The following ARPP21 variants were observed in gnomAD, a reference collection of about 807,000 sequenced individuals.
ARPP21 encodes cAMP-regulated phosphoprotein 21.
A neutral mutation model predicts 113.2 loss-of-function variants in ARPP21; 69 were observed. The observed-to-expected ratio is 0.61, with a 90% CI of 0.50 to 0.74. The LOEUF (loss-of-function observed/expected upper bound fraction) is 0.74. Among genes scored for constraint, ARPP21 ranks in the 30% least tolerant of loss-of-function variants. ARPP21 has a pLI of 0.00. For synonymous variants in ARPP21, 368 were observed against 375.5 expected (o/e 0.98, Z 0.23); for missense variants, 1,070 against 1,037.4 (o/e 1.03, Z -0.43).
rs2151945433 is a variant in ARPP21, at chr3:35,794,371, G to T, written c.*413G>T. 1 of 192,514 alleles carries T rather than the reference G, an allele frequency of 5.2e-6. No individual in the cohort carries two copies. Among genetic ancestry groups the T allele is most frequent in the East Asian group, 1.2e-4 (1 of 8,010 alleles). 11.9% of individuals were successfully genotyped at this position (192,514 alleles called of 1,614,324 possible). A position where few individuals can be genotyped will look rare whatever the true frequency, so the allele number is the denominator to read the frequency against. On this transcript the variant is annotated 3_prime_UTR_variant, in exon 21 of 21. Coordinates refer to ENST00000684406, the MANE Select transcript of ARPP21 (RefSeq NM_001385562.1). ...GCAAAGAAGAATTGATGAATTGAAG[G>T]AATAATTTATATACATTATAGAGTT...
chr3:35,767,293 G>T (rs12490073), intron 19 of ARPP21, among the ~76,000 whole-genome samples: 1 of 152,072 alleles, frequency 6.6e-6, no homozygotes, highest in Admixed American at 6.6e-5. Context: ...AAATCCTTTA[G>T]ACTTCTGAGG....
At chr3:35,768,922 A>G (rs894356150) in intron 19 of ARPP21, among the ~76,000 whole-genome samples, 1 of 152,198 alleles carries the variant, frequency 6.6e-6, no homozygotes, top group Non-Finnish European at 1.5e-5. Flanking sequence ...TGTTACAGAT[A>G]TTAGAAAAGG....
chr3:35,732,427 C>T (rs1289681512), intron 15 of ARPP21, among the ~76,000 whole-genome samples: 1 of 152,188 alleles, frequency 6.6e-6, no homozygotes, highest in Non-Finnish European at 1.5e-5. Context: ...TCTTTCTTTG[C>T]TTTTCAGGCA....
chr3:35,721,751 C>T lies in ARPP21; in HGVS notation c.1142C>T (p.Thr381Met), dbSNP rs781625938. ...AATCTAAAGCCCGCCATGACCAAGA[C>T]GGCGAGTTTTGGGGGCATCACGGTG... ...NRNLKPAMTKTASFGGITVLT... is the reference protein window; with the variant it reads ...NRNLKPAMTKMASFGGITVLT... Residue 381 changes from threonine (T) to methionine (M), a missense_variant, in exon 14 of 21, where the codon ACG becomes ATG. By Grantham distance (81) the Thr-to-Met change is moderately conservative. Coordinates refer to ENST00000684406, the MANE Select transcript of ARPP21 (RefSeq NM_001385562.1). 4.1e-5 allele frequency: 66 copies of T among 1,613,684 alleles called. No homozygotes were observed. Among genetic ancestry groups the T allele is most frequent in the East Asian group, 6.7e-5 (3 of 44,876 alleles).
chr3:35,785,095 G>A (rs1420756964), intron 19 of ARPP21: 4 of 152,112 alleles, frequency 2.6e-5, no homozygotes, highest in African/African-American at 4.8e-5. Context: ...ACAGTTATTA[G>A]AGCCACCTCC....
At chr3:35,762,096 CCTCTCTCTCTCTCT>C (rs373149403) in intron 19 of ARPP21, among the ~76,000 whole-genome samples, 1 of 136,078 alleles carries the variant, frequency 7.3e-6, no homozygotes, top group Admixed American at 7.2e-5. Context: ...CTCTCTCTCT[CCTCTCTCTCTCTCT>C]CTCTCTCTCT....
At chr3:35,748,151 G>A (rs890885845) in intron 19 of ARPP21, among the ~76,000 whole-genome samples, 9 of 131,654 alleles carry the variant, frequency 6.8e-5, no homozygotes, top group African/African-American at 2.6e-4. Flanking sequence ...AGAAAGGAGA[G>A]AGAGAAAGAA....
chr3:35,768,111 TGTGTGTGTGTGTGTGTGTGTG>T (rs1277945736), intron 19 of ARPP21, among the ~76,000 whole-genome samples: 3 of 149,678 alleles, frequency 2.0e-5, no homozygotes, highest in Non-Finnish European at 4.5e-5. Flanking sequence ...TGTGTGTGTG[TGTGTGTGTGTGTGTGTGTGTG>T]TGTGTGTTTG....
chr3:35,767,832 G>T (rs2096039845), intron 19 of ARPP21, among the ~76,000 whole-genome samples: 1 of 151,892 alleles, frequency 6.6e-6, no homozygotes, highest in South Asian at 2.1e-4. Flanking sequence ...GTGTTTCTAG[G>T]TGGTGGTACC....
chr3:35,766,122 C>T (rs994907439), intron 19 of ARPP21, among the ~76,000 whole-genome samples: 7 of 152,068 alleles, frequency 4.6e-5, no homozygotes, highest in African/African-American at 9.7e-5. Context: ...TGATCTTCCA[C>T]GGAAATTTAA....
intron 1 of ARPP21, among the ~76,000 whole-genome samples, chr3:35,647,353 A>G (rs1006255565): frequency 3.3e-5 from 5 of 152,106 alleles, no homozygotes; most frequent in Admixed American, 6.6e-5. Context: ...TGTCTGATAT[A>G]ATGTGGGAAG....
intron 9 of ARPP21, among the ~76,000 whole-genome samples, chr3:35,692,585 T>A (rs1244007256): frequency 1.3e-5 from 2 of 151,654 alleles, no homozygotes; most frequent in East Asian, 3.9e-4. Flanking sequence ...GGACAGTAGA[T>A]TTATTTTTAA....
rs764657901 is a variant in ARPP21 at position 35,793,823 on chromosome 3, C to G, written c.2409C>G (p.Val803=). The change falls in exon 21 of 21, where the codon GTC becomes GTG. Residue 803 remains valine (V), a synonymous_variant. Transcript: ENST00000684406. ...PATGMPVYCN[V]TPPTPQNNLR... ...CTGGAATGCCTGTTTACTGTAATGT[C>G]ACACCGCCCACCCCTCAGAACAACC... The G allele has an allele frequency of 2.2e-5, 35 of 1,614,056 alleles. No individual in the cohort carries two copies. The South Asian group carries it at 3.4e-4, about 16-fold the overall frequency.
intron 1 of ARPP21, among the ~76,000 whole-genome samples, chr3:35,671,000 C>T (rs1367192984): frequency 6.6e-6 from 1 of 152,128 alleles, no homozygotes; most frequent in Non-Finnish European, 1.5e-5. Context: ...AAATCCTTGA[C>T]AGCTTAGAAA....
chr3:35,726,593 T>TC lies in ARPP21; in HGVS notation c.1226-2707dup, dbSNP rs543380558. ...TCTCCTATTGATGCTGCTTTTTTTT[T>TC]CCCTCAGGTAAGGGAAGGGTATAAT... On this transcript the variant is annotated intron_variant, in intron 14 of 20. Coordinates refer to ENST00000684406, the MANE Select transcript of ARPP21 (RefSeq NM_001385562.1). 3.6e-3 allele frequency among the ~76,000 whole-genome samples: 555 copies of TC among 152,360 alleles called. 3 individuals carry two copies. Among genetic ancestry groups the TC allele is most frequent in the African/African-American group, 0.012 (515 of 41,576 alleles).
chr3:35,684,613 T>C, intron 5 of ARPP21: 11 of 985,428 alleles, frequency 1.1e-5, no homozygotes, highest in Non-Finnish European at 1.3e-5. Context: ...AGTAAAATGG[T>C]TTACCTGAGC....
At chr3:35,761,327 G>T (rs1425470250) in intron 19 of ARPP21, among the ~76,000 whole-genome samples, 19 of 152,030 alleles carry the variant, frequency 1.2e-4, no homozygotes, top group Admixed American at 1.2e-3. Context: ...ATGTAGGTAA[G>T]GTACGTGAAA....
chr3:35,784,157 C>T (rs1008641956), intron 19 of ARPP21, among the ~76,000 whole-genome samples: 1 of 151,982 alleles, frequency 6.6e-6, no homozygotes, highest in Non-Finnish European at 1.5e-5. Context: ...CATTTTTATA[C>T]CAAGTGGCAA....
At chr3:35,786,450 C>T (rs1393510840) in intron 19 of ARPP21, among the ~76,000 whole-genome samples, 1 of 151,648 alleles carries the variant, frequency 6.6e-6, no homozygotes, top group Non-Finnish European at 1.5e-5. Flanking sequence ...ATCATTTGAA[C>T]CCAGGAGGCA....
Sources: gnomAD v4.1 joint callset for allele counts (sites outside exome capture counted in the v4.1 genomes callset) on GRCh38, gnomAD v4.1.1 for gene constraint, MANE v1.5 for transcripts, NCBI Gene and HGNC (gene_info 2026-07-23, HGNC 2026-07-21) for gene names.